MAP2K6: variants seen among roughly 807,000 people sequenced by gnomAD.
MAP2K6 encodes dual specificity mitogen-activated protein kinase kinase 6.
Under a neutral mutation model 53.7 loss-of-function variants are expected in MAP2K6, and 16 were observed. That is an observed-to-expected ratio of 0.30 (90% CI 0.20 to 0.45). The LOEUF (loss-of-function observed/expected upper bound fraction) is 0.45. MAP2K6 is among the 20% of genes least tolerant of loss of function. The pLI, the probability that MAP2K6 is intolerant of heterozygous loss-of-function variation, is 1.00. For missense variants in MAP2K6, 204 were observed against 411.9 expected (o/e 0.50, Z 4.37); for synonymous variants, 132 against 143.1 (o/e 0.92, Z 0.55).
chr17:69,543,244 A>G lies in MAP2K6; in HGVS notation c.*1491A>G, dbSNP rs983780275. The stretch of plus-strand genomic sequence containing the variant: ...GAGGGTTTTGATTTTAAAAAGAAGA[A>G]AAAAAAACCTTATTTTTTCTTTCTT... On this transcript the variant is annotated 3_prime_UTR_variant, in exon 12 of 12. Transcript: ENST00000590474. The G allele has an allele frequency of 6.6e-6, 1 of 152,090 alleles. No homozygotes were observed. Among genetic ancestry groups the G allele is most frequent in the Non-Finnish European group, 1.5e-5 (1 of 68,022 alleles). The allele number at this position is 152,090 out of a possible 1,614,324, so 9.4% of individuals were successfully genotyped here.
intron 1 of MAP2K6, among the ~76,000 whole-genome samples, chr17:69,503,887 T>C (rs1368032598): frequency 6.6e-6 from 1 of 152,124 alleles, no homozygotes; most frequent in Admixed American, 6.5e-5. Context: ...AAACTGAGAG[T>C]CAGATGAAAA....
chr17:69,483,558 A>C (rs1408053299), intron 1 of MAP2K6, among the ~76,000 whole-genome samples: 5 of 152,214 alleles, frequency 3.3e-5, no homozygotes, highest in Non-Finnish European at 4.4e-5. Context: ...TGCAATTCTC[A>C]TGAGAATTTC....
chr17:69,534,770 A>T (rs964307412), intron 10 of MAP2K6, among the ~76,000 whole-genome samples: 4 of 151,988 alleles, frequency 2.6e-5, no homozygotes, highest in African/African-American at 7.2e-5. Flanking sequence ...TTACATTTTG[A>T]TTCCTCCAAC....
intron 7 of MAP2K6, 143 bp downstream of exon 7, chr17:69,521,243 G>T: frequency 1.6e-6 from 1 of 617,562 alleles, no homozygotes; most frequent in South Asian, 2.2e-5. Context: ...TTTGAGATTG[G>T]ATAGCAAACC....
At chr17:69,459,580 T>C (rs1305786575) in intron 1 of MAP2K6, among the ~76,000 whole-genome samples, 1 of 151,480 alleles carries the variant, frequency 6.6e-6, no homozygotes, top group Non-Finnish European at 1.5e-5. Context: ...GATGTGGTGG[T>C]GCGTGCCTAT....
intron 1 of MAP2K6, among the ~76,000 whole-genome samples, chr17:69,449,599 C>T (rs1328780108): frequency 1.4e-4 from 15 of 104,942 alleles, no homozygotes; most frequent in Admixed American, 5.1e-4. Context: ...CTTTTTCTTT[C>T]TTTCTCTCTC....
At position 69,458,023 on chromosome 17, in the gene MAP2K6, T is replaced by C. The variant is rs375979647; in HGVS notation, c.16+43023T>C. On this transcript the variant is annotated intron_variant, in intron 1 of 11. Transcript: ENST00000590474. ...GTCCTAACAAAATTGCAACTGCCTT[T>C]CTTCCTTCCTTCCTTCTGTCCCTCC... 1.7e-3 allele frequency among the ~76,000 whole-genome samples: 259 copies of C among 152,174 alleles called. 1 individual carries two copies. The highest frequency in any genetic ancestry group is 2.4e-3 in the Non-Finnish European group (165 of 67,982).
At chr17:69,433,984 A>G (rs1906558068) in intron 1 of MAP2K6, 1 of 152,192 alleles carries the variant, frequency 6.6e-6, no homozygotes, top group African/African-American at 2.4e-5. Context: ...TGCTGCCGAG[A>G]GAGGGTTTCT....
chr17:69,455,851 GTTTTTT>G (rs11317793), intron 1 of MAP2K6, among the ~76,000 whole-genome samples: 1 of 95,378 alleles, frequency 1.0e-5, no homozygotes, highest in East Asian at 3.6e-4. Context: ...TGGACTTTCA[GTTTTTT>G]TTTTTTTTTT....
chr17:69,449,080 T>C (rs530823481), intron 1 of MAP2K6, among the ~76,000 whole-genome samples: 13 of 152,354 alleles, frequency 8.5e-5, no homozygotes, highest in African/African-American at 2.9e-4. Context: ...CTCTTTCTTT[T>C]AGCATTATGA....
At chr17:69,427,462 T>A (rs1391991197) in intron 1 of MAP2K6, among the ~76,000 whole-genome samples, 28 of 152,142 alleles carry the variant, frequency 1.8e-4, no homozygotes, top group Admixed American at 1.8e-3. Flanking sequence ...AAAGATAAAA[T>A]ATTTAATACA....
intron 1 of MAP2K6, among the ~76,000 whole-genome samples, chr17:69,499,278 T>C (rs1195711396): frequency 6.6e-6 from 1 of 152,228 alleles, no homozygotes; most frequent in Non-Finnish European, 1.5e-5. Context: ...TCTGCTTAAC[T>C]CATATTTTAA....
intron 1 of MAP2K6, among the ~76,000 whole-genome samples, chr17:69,475,380 A>G (rs945534466): frequency 6.6e-6 from 1 of 151,922 alleles, no homozygotes; most frequent in Non-Finnish European, 1.5e-5. Context: ...GTGTTAGCCA[A>G]GATGGTCTCG....
intron 11 of MAP2K6, 70 bp from the exon 12 acceptor site, chr17:69,541,606 T>C: frequency 8.5e-7 from 1 of 1,173,356 alleles, no homozygotes. Flanking sequence ...GCAGATCTAT[T>C]CATTTGCTAA....
chr17:69,489,833 C>T (rs1054231453), intron 1 of MAP2K6, among the ~76,000 whole-genome samples: 1 of 152,156 alleles, frequency 6.6e-6, no homozygotes, highest in Non-Finnish European at 1.5e-5. Flanking sequence ...AGAAGTGTCA[C>T]CAGTGGGAAA....
chr17:69,493,606 C>G (rs562444956), intron 1 of MAP2K6, among the ~76,000 whole-genome samples: 2 of 151,946 alleles, frequency 1.3e-5, no homozygotes, highest in African/African-American at 4.8e-5. Flanking sequence ...ACTAAAAATA[C>G]AAAAATAAGC....
intron 1 of MAP2K6, among the ~76,000 whole-genome samples, chr17:69,469,801 T>C (rs558859680): frequency 6.6e-6 from 1 of 152,034 alleles, no homozygotes; most frequent in South Asian, 2.1e-4. Context: ...AAAAGTATCT[T>C]TGGGGTGGTT....
chr17:69,505,270 C>T (rs1439301805), intron 1 of MAP2K6, among the ~76,000 whole-genome samples: 1 of 151,552 alleles, frequency 6.6e-6, no homozygotes, highest in East Asian at 1.9e-4. Context: ...GGAGAAACCC[C>T]CATCTCTACT....
At chr17:69,475,400 C>T (rs1007607006) in intron 1 of MAP2K6, among the ~76,000 whole-genome samples, 3 of 152,080 alleles carry the variant, frequency 2.0e-5, no homozygotes, top group African/African-American at 7.2e-5. Flanking sequence ...GATCTCCTGA[C>T]CTCGTGATCC....
Sources: gnomAD v4.1 joint callset for allele counts (sites outside exome capture counted in the v4.1 genomes callset) on GRCh38, gnomAD v4.1.1 for gene constraint, MANE v1.5 for transcripts, NCBI Gene and HGNC (gene_info 2026-07-23, HGNC 2026-07-21) for gene names.